Variants in CDK15 observed in about 807,000 individuals in gnomAD.
The protein encoded by CDK15 is cyclin-dependent kinase 15.
A neutral mutation model predicts 60.3 loss-of-function variants in CDK15; 62 were observed. That is an observed-to-expected ratio of 1.03 (90% CI 0.84 to 1.27). The LOEUF (loss-of-function observed/expected upper bound fraction) is 1.27. CDK15 is among the 50% of genes most tolerant of loss of function. The probability of loss-of-function intolerance (pLI) is 0.00; values close to 1 mark genes in which losing one functional copy is unlikely to be tolerated. For missense variants in CDK15, 541 were observed against 527.8 expected (o/e 1.03, Z -0.25); for synonymous variants, 194 against 195.7 (o/e 0.99, Z 0.07).
At chr2:201,827,641 T>A (rs1020990764) in intron 6 of CDK15, among the ~76,000 whole-genome samples, 4 of 152,306 alleles carry the variant, frequency 2.6e-5, no homozygotes, top group African/African-American at 9.6e-5. Flanking sequence ...GAGTCTCTTT[T>A]TGTTACCCAG....
intron 8 of CDK15, among the ~76,000 whole-genome samples, chr2:201,840,049 A>T (rs527691137): frequency 6.7e-6 from 1 of 150,114 alleles, no homozygotes; most frequent in Non-Finnish European, 1.5e-5. Flanking sequence ...CAGTGACTCA[A>T]CCTCGGCTCA....
intron 10 of CDK15, among the ~76,000 whole-genome samples, chr2:201,859,072 G>A (rs991950009): frequency 6.6e-6 from 1 of 152,192 alleles, no homozygotes; most frequent in Non-Finnish European, 1.5e-5. Flanking sequence ...CAAGCTGGCG[G>A]GCCGGGGCTG....
In CDK15 at chr2:201,894,060, C is replaced by G. The variant is rs1177537096; in HGVS notation, c.*793C>G. ...CAGAGTTCCAAAGATGTAATTTAAGCCCTGTTGCACCACCACACACACACA... is the reference window on the plus strand; with the variant it reads ...CAGAGTTCCAAAGATGTAATTTAAGGCCTGTTGCACCACCACACACACACA... On this transcript the variant is annotated 3_prime_UTR_variant, in exon 14 of 14. Transcript: ENST00000652192. The G allele has an allele frequency of 1.4e-5, 2 of 140,344 alleles. No homozygotes were observed. The highest frequency in any genetic ancestry group is 2.2e-4 in the East Asian group (1 of 4,612). The allele number at this position is 140,344 out of a possible 1,614,324, so 8.7% of individuals were successfully genotyped here.
At chr2:201,881,501 G>A (rs935217111) in intron 12 of CDK15, among the ~76,000 whole-genome samples, 5 of 152,124 alleles carry the variant, frequency 3.3e-5, no homozygotes, top group South Asian at 2.1e-4. Flanking sequence ...GGGCACCCTC[G>A]CACACATATC....
In CDK15 at chr2:201,875,080, A is replaced by T. The variant is rs568354446; in HGVS notation, c.1058+2754A>T. Among the ~76,000 whole-genome samples, 133 of 152,216 alleles carry T rather than the reference A, an allele frequency of 8.7e-4. 1 individual carries two copies. Among genetic ancestry groups the T allele is most frequent in the Non-Finnish European group, 1.4e-3 (98 of 68,008 alleles). On this transcript the variant is annotated intron_variant, in intron 11 of 13. Coordinates refer to ENST00000652192, the MANE Select transcript of CDK15 (RefSeq NM_001366386.2). ...AACCAGATTTTAGTAGTATGGAGTG[A>T]TGGGTTAGTAGATGGTGTTTTACGC...
At chr2:201,838,493 C>T (rs1697225424) in intron 8 of CDK15, among the ~76,000 whole-genome samples, 1 of 151,920 alleles carries the variant, frequency 6.6e-6, no homozygotes. Context: ...CAGCCTCCAA[C>T]TCCTGGGTTT....
At chr2:201,838,137 C>A (rs1268097474) in intron 8 of CDK15, among the ~76,000 whole-genome samples, 14 of 151,950 alleles carry the variant, frequency 9.2e-5, no homozygotes, top group Admixed American at 9.2e-4. Context: ...ATAGTTAAAA[C>A]ATTCAAGAGT....
At chr2:201,881,341 A>G (rs1015337130) in intron 12 of CDK15, among the ~76,000 whole-genome samples, 3 of 152,222 alleles carry the variant, frequency 2.0e-5, no homozygotes, top group African/African-American at 7.2e-5. Context: ...TTAACCCTGT[A>G]GAAAGAGTCA....
rs1350041194 is a variant in CDK15, at chr2:201,837,493, AGG to A, written c.851+1731_851+1732del. Among the ~76,000 whole-genome samples the A allele has an allele frequency of 1.2e-3, 177 of 147,806 alleles. 2 individuals carry two copies. The highest frequency in any genetic ancestry group is 4.2e-3 in the African/African-American group (169 of 39,826). ...AAGGAAGGAAGGAAGGAAGGAAGGA[AGG>A]AAGGAAGGAAGGAAGGAAAGAAGGA... On this transcript the variant is annotated intron_variant, in intron 8 of 13. Coordinates refer to ENST00000652192, the MANE Select transcript of CDK15 (RefSeq NM_001366386.2).
At chr2:201,836,114 A>G (rs12471983) in intron 8 of CDK15, among the ~76,000 whole-genome samples, 1 of 122,910 alleles carries the variant, frequency 8.1e-6, no homozygotes, top group Non-Finnish European at 1.6e-5. Context: ...ATATATTTAT[A>G]TATATTATAT....
chr2:201,875,374 T>C (rs1166869028), intron 11 of CDK15, among the ~76,000 whole-genome samples: 2 of 149,322 alleles, frequency 1.3e-5, no homozygotes, highest in African/African-American at 5.2e-5. Context: ...ATAGTATGAA[T>C]CTACAGCTCT....
intron 9 of CDK15, among the ~76,000 whole-genome samples, chr2:201,849,990 A>T (rs959237146): frequency 2.6e-5 from 4 of 152,062 alleles, no homozygotes; most frequent in Admixed American, 6.6e-5. Context: ...ACACCTGGCT[A>T]ACTTTTGTAT....
At chr2:201,808,003 C>T (rs374756467) in intron 3 of CDK15, 51 bp downstream of exon 3, 1 of 1,478,870 alleles carries the variant, frequency 6.8e-7, no homozygotes, top group Non-Finnish European at 9.4e-7. Flanking sequence ...TCCCGCCCCC[C>T]CAATTTCATA....
At chr2:201,837,122 A>T (rs570277548) in intron 8 of CDK15, among the ~76,000 whole-genome samples, 1 of 151,862 alleles carries the variant, frequency 6.6e-6, no homozygotes, top group East Asian at 2.0e-4. Context: ...GCACAGTGAG[A>T]TGCTGTCTCT....
At chr2:201,825,749 A>G (rs1412094625) in intron 6 of CDK15, among the ~76,000 whole-genome samples, 1 of 152,198 alleles carries the variant, frequency 6.6e-6, no homozygotes, top group Non-Finnish European at 1.5e-5. Context: ...TGAAAGGAAG[A>G]GACAGGTAGG....
rs564380135 is a variant in CDK15 at position 201,829,263 on chromosome 2, A to G, written c.607-4585A>G. Among the ~76,000 whole-genome samples, 3 of 152,242 alleles carry G rather than the reference A, an allele frequency of 2.0e-5. No individual in the cohort carries two copies. The South Asian group carries it at 6.2e-4, about 32-fold the overall frequency. ...TCTACCTCTCTCCCCCTACTCACAC[A>G]GAAAACTTCTCTCCCTCTACTCATT... On this transcript the variant is annotated intron_variant, in intron 6 of 13. Transcript: ENST00000652192.
chr2:201,842,077 A>G (rs1204205140), intron 8 of CDK15, among the ~76,000 whole-genome samples: 1 of 152,134 alleles, frequency 6.6e-6, no homozygotes, highest in Non-Finnish European at 1.5e-5. Flanking sequence ...AACCGTCACC[A>G]CTGTCCATCT....
rs564601147 is a variant in CDK15 at position 201,841,287 on chromosome 2, A to C, written c.851+5524A>C. Among the ~76,000 whole-genome samples the C allele has an allele frequency of 2.0e-5, 3 of 152,374 alleles. No individual in the cohort carries two copies. In the East Asian group the frequency reaches 5.8e-4, roughly 29 times the overall value. On this transcript the variant is annotated intron_variant, in intron 8 of 13. Coordinates refer to ENST00000652192, the MANE Select transcript of CDK15 (RefSeq NM_001366386.2). ...GTGTTTCATGAATTTAACCATGAGC[A>C]ACAATGACACAATATAAAAATGCAG...
intron 6 of CDK15, 131 bp from the exon 7 acceptor site, chr2:201,833,717 T>TTCTTCTTCTTC: frequency 6.0e-6 from 1 of 168,024 alleles, no homozygotes; most frequent in Non-Finnish European, 1.1e-5. Flanking sequence ...CTTCTTCTTC[T>TTCTTCTTCTTC]TTTTTTTTTT....
Sources: gnomAD v4.1 joint callset for allele counts (sites outside exome capture counted in the v4.1 genomes callset) on GRCh38, gnomAD v4.1.1 for gene constraint, MANE v1.5 for transcripts, NCBI Gene and HGNC (gene_info 2026-07-23, HGNC 2026-07-21) for gene names.